DNAH12: variants seen among roughly 807,000 people sequenced by gnomAD.
The protein encoded by DNAH12 is dynein axonemal heavy chain 12.
DNAH12 carries 285 observed loss-of-function variants against 371.5 expected under a neutral mutation model. That is an observed-to-expected ratio of 0.77 (90% confidence interval 0.70 to 0.85). The LOEUF (loss-of-function observed/expected upper bound fraction) is 0.85. Among genes scored for constraint, DNAH12 ranks in the 40% least tolerant of loss-of-function variants. The pLI is 0.00. For synonymous variants in DNAH12, 1,200 were observed against 1,213.0 expected (o/e 0.99, Z 0.22); for missense variants, 3,611 against 3,689.4 (o/e 0.98, Z 0.55).
rs781138947 is a variant in DNAH12 at position 57,483,429 on chromosome 3, A to G, written c.1597T>C (p.Tyr533His). 2.6e-6 allele frequency: 4 copies of G among 1,551,336 alleles called. No individual in the cohort carries two copies. ...TTEEMMDLIS[Y>H]VEKARTVGIE... ...CCTACAGTCCGGGCTTTTTCTACAT[A>G]AGATATCAGATCCATCATCTCTTCT... is the stretch of plus-strand genomic sequence containing the variant. The change falls in exon 13 of 74, where the codon TAT becomes CAT. Residue 533 changes from tyrosine (Y) to histidine (H), a missense_variant. Around this residue, in one of 3 missense-constraint regions of DNAH12, gnomAD observed 1,314 missense variants for 1,398.7 expected, o/e 0.94. Transcript: ENST00000495027.
intron 2 of DNAH12, among the ~76,000 whole-genome samples, chr3:57,535,791 C>T (rs1186494811): frequency 7.3e-5 from 11 of 151,282 alleles, no homozygotes; most frequent in African/African-American, 2.7e-4. Flanking sequence ...ATCCTCCTGC[C>T]TTGGCCTCCC....
intron 25 of DNAH12, among the ~76,000 whole-genome samples, chr3:57,449,614 C>T (rs2153372365): frequency 6.6e-6 from 1 of 152,348 alleles, no homozygotes; most frequent in South Asian, 2.1e-4. Flanking sequence ...TTGCCCGGGG[C>T]CGGCAGGGCT....
intron 59 of DNAH12, 46 bp downstream of exon 59, chr3:57,357,130 T>G (rs2062818822): frequency 6.6e-6 from 1 of 152,162 alleles, no homozygotes; most frequent in African/African-American, 2.4e-5. Context: ...GAAAGGGCTG[T>G]GAAAATCCAA....
intron 6 of DNAH12, 142 bp from the exon 7 acceptor site, chr3:57,508,682 C>G (rs2067869650): frequency 1.2e-6 from 1 of 862,986 alleles, no homozygotes; most frequent in East Asian, 2.9e-5. Flanking sequence ...CAATGGGAAC[C>G]TTAAGATATA....
At chr3:57,424,707 G>C (rs950936907) in intron 35 of DNAH12, among the ~76,000 whole-genome samples, 8 of 151,218 alleles carry the variant, frequency 5.3e-5, no homozygotes, top group African/African-American at 1.9e-4. Flanking sequence ...ACCTGGGGGA[G>C]GTGGGGGGTG....
chr3:57,505,261 T>A (rs1309410442), intron 8 of DNAH12, among the ~76,000 whole-genome samples: 1 of 106,354 alleles, frequency 9.4e-6, no homozygotes, highest in Non-Finnish European at 1.8e-5. Flanking sequence ...CCCGCCCACT[T>A]CTCCCACTAC....
At position 57,323,632 on chromosome 3, in the gene DNAH12, A is replaced by T. The variant is rs935327386; in HGVS notation, c.9979-13T>A. The T allele has an allele frequency of 1.1e-5, 17 of 1,518,492 alleles. No homozygotes were observed. In the African/African-American group the frequency reaches 2.4e-4, roughly 21 times the overall value. The allele number at this position is 1,518,492 out of a possible 1,614,324, so 94.1% of individuals were successfully genotyped here. A position where few individuals can be genotyped will look rare whatever the true frequency, so the allele number is the denominator to read the frequency against. Reference sequence around the variant, plus strand: ...TAGCTGGGGTTATCTGTTGAAGAGAAAAGATATGATCTTTAGAGCAACTTT... The same window carrying T: ...TAGCTGGGGTTATCTGTTGAAGAGATAAGATATGATCTTTAGAGCAACTTT... On this transcript the variant is annotated splice_polypyrimidine_tract_variant and intron_variant, in intron 62 of 73. Transcript: ENST00000495027.
chr3:57,351,232 G>A (rs1205162904), intron 60 of DNAH12, among the ~76,000 whole-genome samples: 9 of 151,736 alleles, frequency 5.9e-5, no homozygotes, highest in South Asian at 4.2e-4. Flanking sequence ...TCCCACAACC[G>A]CATTCCAGCC....
chr3:57,410,120 C>T (rs1553682538), intron 39 of DNAH12, among the ~76,000 whole-genome samples: 1 of 152,164 alleles, frequency 6.6e-6, no homozygotes, highest in Non-Finnish European at 1.5e-5. Flanking sequence ...TTGAAAAGTG[C>T]AGGCATACCC....
At chr3:57,365,390 T>C (rs2063028033) in intron 57 of DNAH12, among the ~76,000 whole-genome samples, 1 of 152,126 alleles carries the variant, frequency 6.6e-6, no homozygotes, top group African/African-American at 2.4e-5. Context: ...TTCTCACTTA[T>C]AAGTGGGAGC....
At chr3:57,365,574 ACAAAC>A in intron 57 of DNAH12, among the ~76,000 whole-genome samples, 1 of 152,310 alleles carries the variant, frequency 6.6e-6, no homozygotes, top group East Asian at 1.9e-4. Context: ...TACCTATGTA[ACAAAC>A]CTGCACATCA....
chr3:57,502,194 G>T, intron 10 of DNAH12, 129 bp downstream of exon 10: 1 of 1,261,240 alleles, frequency 7.9e-7, no homozygotes, highest in Non-Finnish European at 1.1e-6. Context: ...TCTGCCAAAA[G>T]CTACGCCTAT....
At chr3:57,313,891 C>T (rs1263017058) in intron 66 of DNAH12, among the ~76,000 whole-genome samples, 1 of 152,104 alleles carries the variant, frequency 6.6e-6, no homozygotes, top group Non-Finnish European at 1.5e-5. Context: ...TATGTGGCAG[C>T]CATACAAGCT....
chr3:57,343,976 T>G (rs998046531), intron 60 of DNAH12, among the ~76,000 whole-genome samples: 4 of 152,314 alleles, frequency 2.6e-5, no homozygotes, highest in African/African-American at 4.8e-5. Flanking sequence ...TTCTCCTTAT[T>G]ATCACCCTGT....
intron 13 of DNAH12, among the ~76,000 whole-genome samples, chr3:57,482,181 G>T (rs1393696887): frequency 6.6e-6 from 1 of 152,058 alleles, no homozygotes; most frequent in Non-Finnish European, 1.5e-5. Context: ...ATCTGACAAA[G>T]GGCTAATATC....
intron 55 of DNAH12, among the ~76,000 whole-genome samples, chr3:57,371,941 C>CAAAAAAAAAAAAA (rs1169602185): frequency 0.09 from 2,276 of 25,404 alleles, 174 homozygotes; most frequent in Non-Finnish European, 0.13. Context: ...CTAAACTCAG[C>CAAAAAAAAAAAAA]AAAAAAAAAA....
At chr3:57,432,166 A>AAC (rs2064974745) in intron 32 of DNAH12, among the ~76,000 whole-genome samples, 1 of 95,662 alleles carries the variant, frequency 1.0e-5, no homozygotes, top group Non-Finnish European at 2.0e-5. Context: ...ACTTCAGTAT[A>AAC]TCTTTTTTTT....
At chr3:57,414,460 G>T (rs981645661) in intron 38 of DNAH12, among the ~76,000 whole-genome samples, 1 of 152,060 alleles carries the variant, frequency 6.6e-6, no homozygotes, top group Non-Finnish European at 1.5e-5. Flanking sequence ...TGTTGTGAGG[G>T]TTTGGTGTAC....
intron 55 of DNAH12, among the ~76,000 whole-genome samples, chr3:57,370,673 GTTAA>G (rs2063151169): frequency 6.6e-6 from 1 of 152,128 alleles, no homozygotes; most frequent in Non-Finnish European, 1.5e-5. Flanking sequence ...AAATGCACAG[GTTAA>G]TTGAGGCTTG....
Sources: gnomAD v4.1 joint callset for allele counts (sites outside exome capture counted in the v4.1 genomes callset) on GRCh38, gnomAD v4.1.1 for gene constraint, gnomAD v4.1.1 regional missense constraint, MANE v1.5 for transcripts, NCBI Gene and HGNC (gene_info 2026-07-23, HGNC 2026-07-21) for gene names.